The following SLC24A3 variants were observed in gnomAD, a reference collection of about 807,000 sequenced individuals.
SLC24A3 encodes sodium/potassium/calcium exchanger 3.
A neutral mutation model predicts 75.8 loss-of-function variants in SLC24A3; 28 were observed. The observed-to-expected ratio is 0.37, with a 90% CI of 0.27 to 0.51. SLC24A3 has a LOEUF of 0.51. SLC24A3 is among the 20% of genes least tolerant of loss of function. The pLI, the probability that SLC24A3 is intolerant of heterozygous loss-of-function variation, is 0.94. For missense variants in SLC24A3, 663 were observed against 847.8 expected (o/e 0.78, Z 2.71); for synonymous variants, 372 against 334.1 (o/e 1.11, Z -1.24).
chr20:19,250,539 G>A (rs770224636), intron 1 of SLC24A3, among the ~76,000 whole-genome samples: 6 of 152,180 alleles, frequency 3.9e-5, no homozygotes, highest in African/African-American at 7.2e-5. Context: ...TCTGAAGGGT[G>A]TGCCAAAGAA....
chr20:19,527,633 C>G (rs1221904177), intron 3 of SLC24A3, among the ~76,000 whole-genome samples: 1 of 152,186 alleles, frequency 6.6e-6, no homozygotes, highest in African/African-American at 2.4e-5. Flanking sequence ...CATGCCCTGT[C>G]TCTCTAAGAG....
chr20:19,688,913 T>C (rs1480928342), intron 12 of SLC24A3, among the ~76,000 whole-genome samples: 1 of 152,124 alleles, frequency 6.6e-6, no homozygotes, highest in Non-Finnish European at 1.5e-5. Flanking sequence ...ATAATATATG[T>C]GCAGATATTA....
chr20:19,396,497 A>G (rs901823092), intron 2 of SLC24A3, among the ~76,000 whole-genome samples: 5 of 152,226 alleles, frequency 3.3e-5, no homozygotes, highest in Admixed American at 6.5e-5. Context: ...CTTATAGCAC[A>G]TATCAATTCA....
intron 6 of SLC24A3, among the ~76,000 whole-genome samples, chr20:19,632,395 G>A: frequency 6.6e-6 from 1 of 152,116 alleles, no homozygotes; most frequent in East Asian, 1.9e-4. Context: ...GCTTTTCTCA[G>A]CTTCTAGCGG....
At chr20:19,570,438 C>T (rs73113927) in intron 3 of SLC24A3, among the ~76,000 whole-genome samples, 3,368 of 152,160 alleles carry the variant, frequency 0.022, 56 homozygotes, top group Non-Finnish European at 0.034. Flanking sequence ...TACAAGAATA[C>T]CCCCCTGTGT....
chr20:19,646,767 G>A (rs774274147), intron 6 of SLC24A3, among the ~76,000 whole-genome samples: 1 of 152,034 alleles, frequency 6.6e-6, no homozygotes, highest in Non-Finnish European at 1.5e-5. Flanking sequence ...GATTTAAAAT[G>A]GCATGAATTA....
At chr20:19,264,341 T>C (rs1410871735) in intron 1 of SLC24A3, among the ~76,000 whole-genome samples, 3 of 151,992 alleles carry the variant, frequency 2.0e-5, no homozygotes, top group Admixed American at 1.3e-4. Flanking sequence ...CCATGGGCAG[T>C]TCAGTGTAAG....
intron 15 of SLC24A3, among the ~76,000 whole-genome samples, chr20:19,701,847 C>G (rs973672981): frequency 6.6e-6 from 1 of 152,098 alleles, no homozygotes; most frequent in Non-Finnish European, 1.5e-5. Context: ...AACCTGGGCT[C>G]TAAACAACCT....
chr20:19,656,495 G>A (rs1440731668), intron 7 of SLC24A3, among the ~76,000 whole-genome samples: 1 of 152,150 alleles, frequency 6.6e-6, no homozygotes, highest in African/African-American at 2.4e-5. Flanking sequence ...TGGAACCCAA[G>A]GACTCTTCCC....
intron 2 of SLC24A3, among the ~76,000 whole-genome samples, chr20:19,493,177 G>A (rs983920450): frequency 1.3e-5 from 2 of 152,178 alleles, no homozygotes; most frequent in African/African-American, 4.8e-5. Context: ...CATCACAGAT[G>A]TGGGCCATTT....
intron 6 of SLC24A3, among the ~76,000 whole-genome samples, chr20:19,609,560 C>T (rs1218948955): frequency 6.6e-6 from 1 of 152,086 alleles, no homozygotes; most frequent in Non-Finnish European, 1.5e-5. Flanking sequence ...AATGCTCTCC[C>T]TCCCCTTGCC....
chr20:19,258,976 A>T (rs1484972985), intron 1 of SLC24A3, among the ~76,000 whole-genome samples: 1 of 152,212 alleles, frequency 6.6e-6, no homozygotes, highest in Non-Finnish European at 1.5e-5. Context: ...TTCCATTTTA[A>T]TATTAGCACA....
chr20:19,547,227 G>A lies in SLC24A3; in HGVS notation c.348+31663G>A, dbSNP rs73900441. ...CCAACCATAGGGCCTAATTTAGTGT[G>A]TAACACACCATGAATGTCCTATAAG... On this transcript the variant is annotated intron_variant, in intron 3 of 16. Transcript: ENST00000328041. 7.2e-3 allele frequency among the ~76,000 whole-genome samples: 1,096 copies of A among 152,268 alleles called. 15 individuals carry two copies. The highest frequency in any genetic ancestry group is 0.024 in the African/African-American group (1,013 of 41,542).
chr20:19,635,341 G>T (rs2031987125), intron 6 of SLC24A3, among the ~76,000 whole-genome samples: 1 of 152,248 alleles, frequency 6.6e-6, no homozygotes, highest in South Asian at 2.1e-4. Flanking sequence ...CTGAAGTGGG[G>T]ATGAGGGACA....
chr20:19,241,610 G>A (rs879798876), intron 1 of SLC24A3, among the ~76,000 whole-genome samples: 1 of 152,216 alleles, frequency 6.6e-6, no homozygotes, highest in Non-Finnish European at 1.5e-5. Flanking sequence ...CATGCCCGGG[G>A]CGTTTCCCAA....
intron 2 of SLC24A3, among the ~76,000 whole-genome samples, chr20:19,333,713 G>A (rs547497914): frequency 6.6e-6 from 1 of 151,792 alleles, no homozygotes; most frequent in South Asian, 2.1e-4. Context: ...CTGGGGATTA[G>A]GTGAGTTGAT....
At chr20:19,242,687 T>C (rs529570160) in intron 1 of SLC24A3, 3 of 152,228 alleles carry the variant, frequency 2.0e-5, no homozygotes, top group Non-Finnish European at 4.4e-5. Context: ...ACTGGTAAGA[T>C]GTTATAGACA....
At chr20:19,597,061 G>A (rs551851610) in intron 6 of SLC24A3, among the ~76,000 whole-genome samples, 2 of 152,306 alleles carry the variant, frequency 1.3e-5, no homozygotes, top group Admixed American at 6.5e-5. Context: ...GAAGGACTCA[G>A]TTTGCAATTT....
intron 2 of SLC24A3, among the ~76,000 whole-genome samples, chr20:19,314,169 G>T (rs1984525085): frequency 6.6e-6 from 1 of 152,138 alleles, no homozygotes; most frequent in African/African-American, 2.4e-5. Context: ...AAGGTCCCAG[G>T]CCTGCAGACA....
Sources: allele counts gnomAD v4.1 joint callset (sites outside exome capture counted in the v4.1 genomes callset), GRCh38; gene constraint gnomAD v4.1.1; transcripts MANE v1.5; gene names NCBI Gene and HGNC (gene_info 2026-07-23, HGNC 2026-07-21).